The following STK38L variants were observed in gnomAD, a reference collection of about 807,000 sequenced individuals.
The protein encoded by STK38L is serine/threonine kinase 38 like.
A neutral mutation model predicts 59.7 loss-of-function variants in STK38L; 28 were observed. The observed-to-expected ratio is 0.47, with a 90% CI of 0.35 to 0.64. STK38L has a LOEUF of 0.64. STK38L is among the 30% of genes least tolerant of loss of function. The pLI is 0.01. For synonymous variants in STK38L, 162 were observed against 176.8 expected, an observed-to-expected ratio of 0.92 and a Z score of 0.66; for missense variants, 314 against 555.8, an observed-to-expected ratio of 0.56 and a Z score of 4.37.
At chr12:27,276,426 C>G (rs966709330) in intron 1 of STK38L, among the ~76,000 whole-genome samples, 1 of 152,172 alleles carries the variant, frequency 6.6e-6, no homozygotes, top group Non-Finnish European at 1.5e-5. Context: ...CCTGTGCTTT[C>G]TCCTTCTCTA....
At chr12:27,303,436 A>G (rs945710062) in intron 3 of STK38L, among the ~76,000 whole-genome samples, 7 of 152,094 alleles carry the variant, frequency 4.6e-5, no homozygotes, top group African/African-American at 1.4e-4. Context: ...TACCTTCTGT[A>G]TTCTACTGTT....
chr12:27,318,913 C>T (rs1341191603), intron 11 of STK38L, among the ~76,000 whole-genome samples: 4 of 152,176 alleles, frequency 2.6e-5, no homozygotes, highest in Non-Finnish European at 4.4e-5. Context: ...ATGACATGAA[C>T]CCGGGAGGTG....
chr12:27,253,502 G>A (rs1454210399), intron 1 of STK38L, among the ~76,000 whole-genome samples: 2 of 152,154 alleles, frequency 1.3e-5, no homozygotes, highest in Non-Finnish European at 2.9e-5. Context: ...AGTACATACC[G>A]TGTGCCAGGA....
intron 3 of STK38L, among the ~76,000 whole-genome samples, chr12:27,303,565 T>C (rs1246649564): frequency 6.6e-6 from 1 of 152,160 alleles, no homozygotes; most frequent in Non-Finnish European, 1.5e-5. Context: ...ATTTGGTGAA[T>C]AAACAAATAA....
chr12:27,279,723 G>C (rs928769945), intron 1 of STK38L, among the ~76,000 whole-genome samples: 12 of 145,354 alleles, frequency 8.3e-5, no homozygotes, highest in Non-Finnish European at 1.7e-4. Flanking sequence ...TCTTAAGTGT[G>C]ACTCTCTTTA....
chr12:27,253,416 G>C (rs895426342), intron 1 of STK38L, among the ~76,000 whole-genome samples: 8 of 126,456 alleles, frequency 6.3e-5, no homozygotes, highest in African/African-American at 2.2e-4. Context: ...GGTGAGATTG[G>C]GAAGGAGAGA....
rs1389202784 is a variant in STK38L at position 27,324,675 on chromosome 12, C to T, written c.*2220C>T. 6.6e-6 allele frequency: 1 copy of T among 152,038 alleles called. No homozygotes were observed. The highest frequency in any genetic ancestry group is 1.9e-4 in the East Asian group (1 of 5,200). The allele number at this position is 152,038 out of a possible 1,614,324, so 9.4% of individuals were successfully genotyped here. The stretch of plus-strand genomic sequence containing the variant: ...ACTTTGTTGAGAGTCTCATTCTTCC[C>T]TGGAGTTAATAGAGTGATTCACAAT... On this transcript the variant is annotated 3_prime_UTR_variant, in exon 14 of 14. Coordinates refer to ENST00000389032, the MANE Select transcript of STK38L (RefSeq NM_015000.4).
At chr12:27,270,998 T>A (rs1943411639) in intron 1 of STK38L, among the ~76,000 whole-genome samples, 1 of 152,178 alleles carries the variant, frequency 6.6e-6, no homozygotes, top group Admixed American at 6.5e-5. Flanking sequence ...ATTGTAAAGG[T>A]ACAGTGATGA....
intron 1 of STK38L, among the ~76,000 whole-genome samples, chr12:27,276,628 A>G (rs1051658942): frequency 2.6e-5 from 4 of 152,376 alleles, no homozygotes; most frequent in African/African-American, 2.4e-5. Context: ...GTATTTATGT[A>G]TAAGGTTAAA....
At chr12:27,269,777 G>A (rs571594280) in intron 1 of STK38L, among the ~76,000 whole-genome samples, 1 of 152,142 alleles carries the variant, frequency 6.6e-6, no homozygotes, top group Non-Finnish European at 1.5e-5. Flanking sequence ...CGAGTAGCTG[G>A]GATTACAGGC....
intron 1 of STK38L, among the ~76,000 whole-genome samples, chr12:27,289,692 C>T (rs891502754): frequency 6.6e-6 from 1 of 152,190 alleles, no homozygotes; most frequent in Admixed American, 6.5e-5. Context: ...AAGCTATTAA[C>T]AGCAGATACA....
intron 2 of STK38L, among the ~76,000 whole-genome samples, chr12:27,301,258 A>G (rs1690607485): frequency 1.3e-5 from 2 of 152,062 alleles, no homozygotes; most frequent in African/African-American, 4.8e-5. Context: ...TGGGTTTTTA[A>G]AAAATATTTA....
chr12:27,257,533 G>A (rs1943115338), intron 1 of STK38L, among the ~76,000 whole-genome samples: 1 of 152,156 alleles, frequency 6.6e-6, no homozygotes, highest in South Asian at 2.1e-4. Flanking sequence ...CCAGACTTGG[G>A]TATCCCCGGC....
At position 27,308,929 on chromosome 12, in the gene STK38L, AAAT is replaced by A. The variant is rs1174227256; in HGVS notation, c.310-183_310-181del. 6.9e-6 allele frequency among the ~76,000 whole-genome samples: 1 copy of A among 145,144 alleles called. No individual in the cohort carries two copies. Among genetic ancestry groups the A allele is most frequent in the Non-Finnish European group, 1.5e-5 (1 of 66,066 alleles). Reference sequence around the variant, plus strand: ...ATATAAATATATATTAATATATATAAAATATATATAAATATATATATAACATAT... The same window carrying A: ...ATATAAATATATATTAATATATATAAATATATAAATATATATATAACATAT... On this transcript the variant is annotated intron_variant, in intron 4 of 13. Coordinates refer to ENST00000389032, the MANE Select transcript of STK38L (RefSeq NM_015000.4). The surrounding 1 kb of genome is among the most constrained non-coding windows in gnomAD (Gnocchi z 4.5).
chr12:27,317,566 T>G lies in STK38L; in HGVS notation c.955+113T>G, dbSNP rs180797522. On this transcript the variant is annotated intron_variant, in intron 10 of 13. Coordinates refer to ENST00000389032, the MANE Select transcript of STK38L (RefSeq NM_015000.4). ...ATATTTGAAGTCTTTTAAGCTTAAT[T>G]CTGATGTTCCCCCAATGTTAAATAC... is the stretch of plus-strand genomic sequence containing the variant. The G allele has an allele frequency of 4.5e-6, 4 of 898,352 alleles. No individual in the cohort carries two copies. The East Asian group carries it at 9.9e-5, about 22-fold the overall frequency. 55.6% of individuals were successfully genotyped at this position (898,352 alleles called of 1,614,324 possible). A position where few individuals can be genotyped will look rare whatever the true frequency, so the allele number is the denominator to read the frequency against.
chr12:27,285,319 T>C (rs1204318774), intron 1 of STK38L, among the ~76,000 whole-genome samples: 4 of 152,180 alleles, frequency 2.6e-5, no homozygotes, highest in Admixed American at 2.0e-4. Flanking sequence ...CCTGAAGCTG[T>C]TCAGTGATGC....
chr12:27,315,153 T>G (rs1463377859), intron 8 of STK38L, 36 bp downstream of exon 8: 1 of 1,593,120 alleles, frequency 6.3e-7, no homozygotes, highest in Non-Finnish European at 8.6e-7. Context: ...TTTCCCCTGG[T>G]TAAGATACTG....
At chr12:27,305,594 AATAG>A (rs891027523) in intron 3 of STK38L, among the ~76,000 whole-genome samples, 3 of 152,200 alleles carry the variant, frequency 2.0e-5, no homozygotes, top group Admixed American at 6.5e-5. Flanking sequence ...ATAAAAATAA[AATAG>A]ATAAAGTTGC....
At chr12:27,319,527 A>G (rs1944672398) in intron 12 of STK38L, 104 bp downstream of exon 12, 2 of 724,144 alleles carry the variant, frequency 2.8e-6, no homozygotes, top group Admixed American at 2.5e-5. Flanking sequence ...CAAAAGTAAC[A>G]TATAATGTCA....
Sources: allele counts gnomAD v4.1 joint callset (sites outside exome capture counted in the v4.1 genomes callset), GRCh38; gene constraint gnomAD v4.1.1; non-coding constraint Gnocchi (gnomAD v3.1); transcripts MANE v1.5; gene names NCBI Gene and HGNC (gene_info 2026-07-23, HGNC 2026-07-21).